VPS36: variants seen among roughly 807,000 people sequenced by gnomAD.
VPS36 encodes the protein vacuolar protein-sorting-associated protein 36.
In VPS36, 31 loss-of-function variants were observed where a neutral mutation model predicts 63.5. That is an observed-to-expected ratio of 0.49 (90% CI 0.37 to 0.66). VPS36 has a LOEUF of 0.66. Ranked by LOEUF, VPS36 falls within the 30% of genes least tolerant of loss-of-function variation. The pLI is 0.00. For synonymous variants in VPS36, 138 were observed against 157.2 expected (o/e 0.88, Z 0.91); for missense variants, 338 against 463.7 (o/e 0.73, Z 2.49).
At position 52,432,127 on chromosome 13, in the gene VPS36, G is replaced by A. The variant is rs1347929751; in HGVS notation, c.528+1535C>T. ...CATCACTTTGAGAGGCCGCGGCGGC[G>A]GATCACGAGGTCAGAAGATTAAGAC... is the stretch of plus-strand genomic sequence containing the variant. On this transcript the variant is annotated intron_variant, in intron 6 of 13. Transcript: ENST00000378060. 5.3e-5 allele frequency among the ~76,000 whole-genome samples: 8 copies of A among 151,924 alleles called. No homozygotes were observed. In the South Asian group the frequency reaches 6.2e-4, roughly 12 times the overall value.
chr13:52,450,427 C>A, intron 1 of VPS36, 72 bp downstream of exon 1: 1 of 1,475,596 alleles, frequency 6.8e-7, no homozygotes, highest in Non-Finnish European at 9.0e-7. Context: ...ACCCGGGCCG[C>A]GCTGAGCCGG....
In VPS36 at chr13:52,439,008, C is replaced by T. The variant is rs1458793831; in HGVS notation, c.236+90G>A. ...TTTATTCATGCTTTAAGAATGGATTCGTACATCAAGTCTAAGATAGGACCT... is the reference window on the plus strand; with the variant it reads ...TTTATTCATGCTTTAAGAATGGATTTGTACATCAAGTCTAAGATAGGACCT... On this transcript the variant is annotated intron_variant, in intron 3 of 13. Coordinates refer to ENST00000378060, the MANE Select transcript of VPS36 (RefSeq NM_016075.4). The T allele has an allele frequency of 1.6e-5, 18 of 1,130,358 alleles. No individual in the cohort carries two copies. The South Asian group carries it at 1.9e-4, about 12-fold the overall frequency. 70.0% of individuals were successfully genotyped at this position (1,130,358 alleles called of 1,614,324 possible).
intron 10 of VPS36, among the ~76,000 whole-genome samples, chr13:52,422,877 T>C (rs1008380459): frequency 2.0e-5 from 3 of 152,208 alleles, no homozygotes; most frequent in African/African-American, 2.4e-5. Flanking sequence ...TCTCATCTTG[T>C]AGCTCCCATA....
chr13:52,424,422 G>A (rs899131218), intron 9 of VPS36, among the ~76,000 whole-genome samples: 8 of 152,074 alleles, frequency 5.3e-5, no homozygotes, highest in African/African-American at 1.9e-4. Context: ...GTACACAACA[G>A]CCTCTATGAA....
chr13:52,434,071 T>G (rs1189731001), intron 5 of VPS36, among the ~76,000 whole-genome samples: 1 of 152,194 alleles, frequency 6.6e-6, no homozygotes, highest in Non-Finnish European at 1.5e-5. Flanking sequence ...GTCTCAAATG[T>G]ACAAAAAAAA....
chr13:52,433,534 T>A, intron 6 of VPS36, 128 bp downstream of exon 6: 1 of 766,554 alleles, frequency 1.3e-6, no homozygotes, highest in East Asian at 2.7e-5. Flanking sequence ...TTAAAGAGAA[T>A]AGGAGACTAT....
In VPS36 at chr13:52,415,218, T is replaced by C. The variant is rs942831189; in HGVS notation, c.*612A>G. 1.3e-5 allele frequency: 2 copies of C among 152,236 alleles called. No homozygotes were observed. The highest frequency in any genetic ancestry group is 4.1e-4 in the South Asian group (2 of 4,832). 9.4% of individuals were successfully genotyped at this position (152,236 alleles called of 1,614,324 possible). On this transcript the variant is annotated 3_prime_UTR_variant, in exon 14 of 14. Coordinates refer to ENST00000378060, the MANE Select transcript of VPS36 (RefSeq NM_016075.4). ...AGCATTTGGAAACAAAATGACACAG[T>C]TGCATTCTTTAAATGCCAGTCATGA...
intron 11 of VPS36, among the ~76,000 whole-genome samples, chr13:52,417,532 G>C (rs1210706070): frequency 2.6e-5 from 4 of 152,052 alleles, no homozygotes; most frequent in Non-Finnish European, 5.9e-5. Flanking sequence ...GGCTAATTTT[G>C]TATTTTTAGG....
Position 52,434,963 on chromosome 13 carries a change from CTTTT to C in VPS36, c.352-85_352-82del, listed in dbSNP as rs981154726. ...ATAAATCATTACTTAACATTTCTTT[CTTTT>C]TTTCTTTTTTTTTTTTTTTTTGAGG... On this transcript the variant is annotated intron_variant, in intron 4 of 13. Transcript: ENST00000378060. The C allele has an allele frequency of 8.6e-6, 9 of 1,050,616 alleles. No individual in the cohort carries two copies. In the African/African-American group the frequency reaches 1.5e-4, roughly 18 times the overall value. 65.1% of individuals were successfully genotyped at this position (1,050,616 alleles called of 1,614,324 possible). A position where few individuals can be genotyped will look rare whatever the true frequency, so the allele number is the denominator to read the frequency against.
chr13:52,420,461 T>C (rs1365076572), intron 10 of VPS36, among the ~76,000 whole-genome samples: 1 of 151,496 alleles, frequency 6.6e-6, no homozygotes, highest in Non-Finnish European at 1.5e-5. Flanking sequence ...GCCTCCCAAG[T>C]AGCTGGGATT....
At chr13:52,442,675 T>C (rs574548124) in intron 1 of VPS36, among the ~76,000 whole-genome samples, 1 of 152,278 alleles carries the variant, frequency 6.6e-6, no homozygotes, top group African/African-American at 2.4e-5. Flanking sequence ...ATGATACACA[T>C]TCATACTCTG....
At chr13:52,419,170 G>A (rs551562042) in intron 10 of VPS36, among the ~76,000 whole-genome samples, 55 of 152,330 alleles carry the variant, frequency 3.6e-4, no homozygotes, top group African/African-American at 1.3e-3. Flanking sequence ...ATGGGACTGG[G>A]TGAGCCATTT....
chr13:52,429,883 G>C (rs772643500), intron 6 of VPS36, among the ~76,000 whole-genome samples: 1 of 152,128 alleles, frequency 6.6e-6, no homozygotes, highest in Non-Finnish European at 1.5e-5. Flanking sequence ...ACCTGAGAAT[G>C]CAAGAGCCCC....
At chr13:52,441,966 T>G (rs986181540) in intron 2 of VPS36, among the ~76,000 whole-genome samples, 1 of 152,160 alleles carries the variant, frequency 6.6e-6, no homozygotes. Flanking sequence ...ATGGAACATT[T>G]AGATATAGAG....
At chr13:52,427,773 A>G (rs1958117916) in intron 6 of VPS36, among the ~76,000 whole-genome samples, 2 of 152,198 alleles carry the variant, frequency 1.3e-5, no homozygotes, top group Non-Finnish European at 2.9e-5. Flanking sequence ...AATAATTATT[A>G]TTGATTAAAT....
In VPS36 at chr13:52,415,742, T is replaced by C; in HGVS notation, c.*88A>G. 8.4e-7 allele frequency: 1 copy of C among 1,197,060 alleles called. No individual in the cohort carries two copies. Among genetic ancestry groups the C allele is most frequent in the Non-Finnish European group, 1.2e-6 (1 of 825,884 alleles). The allele number at this position is 1,197,060 out of a possible 1,614,324, so 74.2% of individuals were successfully genotyped here. On this transcript the variant is annotated 3_prime_UTR_variant, in exon 14 of 14. Coordinates refer to ENST00000378060, the MANE Select transcript of VPS36 (RefSeq NM_016075.4). ...CTGTGAAGTTCCAATAAATTCTCAA[T>C]TGATCGGGGTTTATCTCTTAGCTCA...
intron 5 of VPS36, among the ~76,000 whole-genome samples, 181 bp from the exon 6 acceptor site, chr13:52,433,929 T>G (rs1958186137): frequency 6.6e-6 from 1 of 152,206 alleles, no homozygotes; most frequent in Admixed American, 6.5e-5. Context: ...CTGTACATAA[T>G]GATCTTAAAA....
intron 6 of VPS36, among the ~76,000 whole-genome samples, chr13:52,432,113 G>A (rs1958164371): frequency 6.6e-6 from 1 of 152,108 alleles, no homozygotes; most frequent in Admixed American, 6.5e-5. Flanking sequence ...ATCACTTTGA[G>A]AGGCCGCGGC....
At chr13:52,421,518 T>G in intron 10 of VPS36, among the ~76,000 whole-genome samples, 2 of 145,778 alleles carry the variant, frequency 1.4e-5, no homozygotes, top group Admixed American at 6.9e-5. Context: ...TGTTTCTGAG[T>G]AGGTTTTTTT....
Sources: gnomAD v4.1 joint callset for allele counts (sites outside exome capture counted in the v4.1 genomes callset) on GRCh38, gnomAD v4.1.1 for gene constraint, MANE v1.5 for transcripts, NCBI Gene and HGNC (gene_info 2026-07-23, HGNC 2026-07-21) for gene names.